SRBD1: variants seen among roughly 807,000 people sequenced by gnomAD.
SRBD1 encodes the protein S1 RNA-binding domain-containing protein 1.
A neutral mutation model predicts 115.3 loss-of-function variants in SRBD1; 88 were observed. That is an observed-to-expected ratio of 0.76 (90% CI 0.64 to 0.91). The LOEUF is 0.91. Among genes scored for constraint, SRBD1 ranks in the 40% least tolerant of loss-of-function variants. The pLI, the probability that SRBD1 is intolerant of heterozygous loss-of-function variation, is 0.00. For synonymous variants in SRBD1, 509 were observed against 407.7 expected, an observed-to-expected ratio of 1.25 and a Z score of -2.99; for missense variants, 1,385 against 1,177.4, an observed-to-expected ratio of 1.18 and a Z score of -2.58.
chr2:45,580,919 G>A (rs1244405926), intron 6 of SRBD1, among the ~76,000 whole-genome samples: 10 of 151,014 alleles, frequency 6.6e-5, no homozygotes, highest in Non-Finnish European at 8.9e-5. Flanking sequence ...TCCTGACATC[G>A]TGATCAGCCC....
intron 15 of SRBD1, among the ~76,000 whole-genome samples, chr2:45,479,615 G>T (rs927636216): frequency 2.0e-5 from 3 of 152,176 alleles, no homozygotes; most frequent in African/African-American, 4.8e-5. Context: ...AAACAGCAAA[G>T]GCTGGTTTGT....
At chr2:45,550,696 C>A (rs960253522) in intron 12 of SRBD1, among the ~76,000 whole-genome samples, 1 of 151,200 alleles carries the variant, frequency 6.6e-6, no homozygotes, top group Non-Finnish European at 1.5e-5. Context: ...AATGGAAGCA[C>A]GGAAATGCAA....
intron 19 of SRBD1, among the ~76,000 whole-genome samples, chr2:45,395,089 T>C (rs1035586561): frequency 6.6e-6 from 1 of 152,164 alleles, no homozygotes; most frequent in Non-Finnish European, 1.5e-5. Flanking sequence ...CCAACTTCCT[T>C]ATACAACTTT....
intron 15 of SRBD1, among the ~76,000 whole-genome samples, chr2:45,482,342 CA>C (rs1669990624): frequency 6.6e-6 from 1 of 151,746 alleles, no homozygotes; most frequent in South Asian, 2.1e-4. Context: ...CTAAGCAAGT[CA>C]AATGAAAAAA....
chr2:45,514,052 C>T (rs888970228), intron 14 of SRBD1, among the ~76,000 whole-genome samples: 1 of 151,964 alleles, frequency 6.6e-6, no homozygotes, highest in South Asian at 2.1e-4. Context: ...CAACTGTGAA[C>T]AACACTTACA....
chr2:45,562,710 T>G lies in SRBD1; in HGVS notation c.1352A>C (p.Lys451Thr). ...CTTCACTCCATCAGAAATATTGACC[T>G]TAACCGTCAGTACCTTCAAATTTTC... ...RGENLKVLTV[K>T]VNISDGVKDE... Residue 451 changes from lysine (K) to threonine (T), a missense_variant, in exon 10 of 21, where the codon AAG becomes ACG. By Grantham distance (78) the Lys-to-Thr change is moderately conservative. Coordinates refer to ENST00000263736, the MANE Select transcript of SRBD1 (RefSeq NM_018079.5). The G allele has an allele frequency of 6.2e-7, 1 of 1,612,912 alleles. No individual in the cohort carries two copies. The highest frequency in any genetic ancestry group is 8.5e-7 in the Non-Finnish European group (1 of 1,179,744).
At chr2:45,439,029 T>C (rs1668582927) in intron 16 of SRBD1, among the ~76,000 whole-genome samples, 1 of 152,084 alleles carries the variant, frequency 6.6e-6, no homozygotes, top group South Asian at 2.1e-4. Context: ...ATATGAGTAA[T>C]GGTTAACTTT....
intron 19 of SRBD1, among the ~76,000 whole-genome samples, chr2:45,399,112 C>G (rs1667225623): frequency 6.6e-6 from 1 of 152,056 alleles, no homozygotes; most frequent in Non-Finnish European, 1.5e-5. Flanking sequence ...ATTATGCAGC[C>G]TGATCACCCT....
At chr2:45,398,941 T>C (rs755767504) in intron 19 of SRBD1, among the ~76,000 whole-genome samples, 2 of 152,210 alleles carry the variant, frequency 1.3e-5, no homozygotes, top group Non-Finnish European at 2.9e-5. Context: ...TGTACTGAAA[T>C]GTTGCTATTA....
At chr2:45,586,002 A>G (rs1158562730) in intron 4 of SRBD1, among the ~76,000 whole-genome samples, 2 of 152,216 alleles carry the variant, frequency 1.3e-5, no homozygotes. Flanking sequence ...CCACTGTATC[A>G]TTCAAATTCC....
chr2:45,449,076 G>C (rs1668912298), intron 16 of SRBD1, among the ~76,000 whole-genome samples: 1 of 152,138 alleles, frequency 6.6e-6, no homozygotes, highest in South Asian at 2.1e-4. Context: ...AACGATTGCA[G>C]ATTATTCAAT....
At chr2:45,457,365 T>A (rs1669186548) in intron 16 of SRBD1, among the ~76,000 whole-genome samples, 1 of 151,972 alleles carries the variant, frequency 6.6e-6, no homozygotes, top group Non-Finnish European at 1.5e-5. Context: ...ATGGATCATC[T>A]GTGATTCAAC....
intron 4 of SRBD1, among the ~76,000 whole-genome samples, chr2:45,593,455 C>A (rs879481676): frequency 1.3e-5 from 2 of 152,116 alleles, no homozygotes; most frequent in African/African-American, 4.8e-5. Context: ...GATAATGAGT[C>A]TCATGAGATC....
At chr2:45,471,446 C>T (rs1488077710) in intron 16 of SRBD1, among the ~76,000 whole-genome samples, 2 of 152,056 alleles carry the variant, frequency 1.3e-5, no homozygotes, top group African/African-American at 4.8e-5. Context: ...AACTATTTTG[C>T]TATTGTAGTT....
intron 14 of SRBD1, among the ~76,000 whole-genome samples, chr2:45,537,227 G>A (rs1423058481): frequency 6.6e-6 from 1 of 152,158 alleles, no homozygotes. Flanking sequence ...CAGCACTGGA[G>A]TCTTCTTAAA....
At chr2:45,434,432 T>A (rs928374949) in intron 16 of SRBD1, among the ~76,000 whole-genome samples, 1 of 152,196 alleles carries the variant, frequency 6.6e-6, no homozygotes, top group African/African-American at 2.4e-5. Flanking sequence ...CCAGCCCTCA[T>A]TGGATCTTGG....
At chr2:45,434,921 T>TC (rs1422175299) in intron 16 of SRBD1, among the ~76,000 whole-genome samples, 2 of 150,380 alleles carry the variant, frequency 1.3e-5, no homozygotes, top group Non-Finnish European at 3.0e-5. Flanking sequence ...CCCTCCCCGC[T>TC]CCCCCCACCC....
chr2:45,559,924 A>G (rs962051950), intron 10 of SRBD1, among the ~76,000 whole-genome samples: 4 of 151,946 alleles, frequency 2.6e-5, no homozygotes, highest in Non-Finnish European at 4.4e-5. Context: ...TCTACAAGAA[A>G]GAAAAATTTA....
intron 2 of SRBD1, 84 bp downstream of exon 2, chr2:45,605,278 A>G: frequency 4.5e-6 from 6 of 1,347,936 alleles, no homozygotes; most frequent in Admixed American, 2.1e-5. Context: ...ACATCACTTA[A>G]GGAGTTAGAA....
Sources: allele counts gnomAD v4.1 joint callset (sites outside exome capture counted in the v4.1 genomes callset), GRCh38; gene constraint gnomAD v4.1.1; transcripts MANE v1.5; gene names NCBI Gene and HGNC (gene_info 2026-07-23, HGNC 2026-07-21).